The following TMPRSS13 variants were observed in gnomAD, a reference collection of about 807,000 sequenced individuals.
The protein encoded by TMPRSS13 is transmembrane protease serine 13.
A neutral mutation model predicts 68.4 loss-of-function variants in TMPRSS13; 50 were observed. That is an observed-to-expected ratio of 0.73 (90% CI 0.58 to 0.93). TMPRSS13 has a LOEUF of 0.93. TMPRSS13 is among the 40% of genes least tolerant of loss of function. The probability of loss-of-function intolerance (pLI) is 0.00; values close to 1 mark genes in which losing one functional copy is unlikely to be tolerated. For missense variants in TMPRSS13, 615 were observed against 729.2 expected (o/e 0.84, Z 1.80); for synonymous variants, 267 against 285.8 (o/e 0.93, Z 0.66).
intron 12 of TMPRSS13, among the ~76,000 whole-genome samples, chr11:117,902,516 C>T (rs563110361): frequency 6.6e-6 from 1 of 152,322 alleles, no homozygotes; most frequent in South Asian, 2.1e-4. Context: ...GGAGGGCTGG[C>T]AGAGCACCCC....
chr11:117,904,006 T>C lies in TMPRSS13; in HGVS notation c.1477A>G (p.Arg493Gly), dbSNP rs1406708905. ...CGAAGGTCCCCAGCACACATCATCCTTGGGGTAAGGTAACTGTCATAGACC... is the reference window on the plus strand; with the variant it reads ...CGAAGGTCCCCAGCACACATCATCCCTGGGGTAAGGTAACTGTCATAGACC... ...YLVYDSYLTPRMMCAGDLRGG... is the reference protein window; with the variant it reads ...YLVYDSYLTPGMMCAGDLRGG... Residue 493 changes from arginine to glycine, a missense_variant, in exon 11 of 13, where the codon AGG (arginine) becomes GGG (glycine). Arg to Gly is a moderately radical substitution (Grantham distance 125). Coordinates refer to ENST00000524993, the MANE Select transcript of TMPRSS13 (RefSeq NM_001077263.3). 3.7e-6 allele frequency: 6 copies of C among 1,613,524 alleles called. No individual in the cohort carries two copies. Among genetic ancestry groups the C allele is most frequent in the Non-Finnish European group, 3.4e-6 (4 of 1,179,756 alleles).
At chr11:117,926,668 G>A (rs2134934428) in intron 1 of TMPRSS13, among the ~76,000 whole-genome samples, 1 of 152,346 alleles carries the variant, frequency 6.6e-6, no homozygotes, top group African/African-American at 2.4e-5. Flanking sequence ...CAAATCTGGT[G>A]TGGCGCACCT....
At chr11:117,913,964 T>A (rs1479673547) in intron 4 of TMPRSS13, 58 bp from the exon 5 acceptor site, 4 of 1,588,238 alleles carry the variant, frequency 2.5e-6, no homozygotes, top group Non-Finnish European at 3.4e-6. Context: ...ATCAAGCTCT[T>A]GGGGGATGAG....
At position 117,915,630 on chromosome 11, in the gene TMPRSS13, TG is replaced by T. The variant is rs1312728817; in HGVS notation, c.557-1117del. ...AGTCAGGAGGCCTGGGCTCTAGTCCTGACCCCACCAGGTAGCTGCTTGGTGA... is the reference window on the plus strand; with the variant it reads ...AGTCAGGAGGCCTGGGCTCTAGTCCTACCCCACCAGGTAGCTGCTTGGTGA... On this transcript the variant is annotated intron_variant, in intron 3 of 12. Transcript: ENST00000524993. The surrounding 1 kb of genome is among the most constrained non-coding windows in gnomAD (Gnocchi z 4.9). Among the ~76,000 whole-genome samples the T allele has an allele frequency of 1.3e-5, 2 of 152,354 alleles. No homozygotes were observed. The highest frequency in any genetic ancestry group is 4.8e-5 in the African/African-American group (2 of 41,586).
intron 10 of TMPRSS13, among the ~76,000 whole-genome samples, chr11:117,904,860 ATTATATATATATATATATATATATATAT>A (rs568290910): frequency 0.22 from 20,455 of 92,494 alleles, 1,840 homozygotes; most frequent in African/African-American, 0.26. Context: ...CCTAGATAAG[ATTATATATATATATATATATATATATAT>A]ATATATATAT....
intron 3 of TMPRSS13, among the ~76,000 whole-genome samples, chr11:117,916,862 C>T (rs1328232897): frequency 6.6e-6 from 1 of 152,188 alleles, no homozygotes; most frequent in African/African-American, 2.4e-5. Context: ...TGAATTTTGT[C>T]CCATCTGAAG....
chr11:117,914,518 G>T lies in TMPRSS13; in HGVS notation c.557-4C>A. 1 of 1,613,830 alleles carries T rather than the reference G, an allele frequency of 6.2e-7. No homozygotes were observed. ...GTGTGGCCCTGCCAGAACTGGACTA[G>T]AGAAAAAGAAGCAGACAGCTGGGTC... On this transcript the variant is annotated splice_polypyrimidine_tract_variant and splice_region_variant and intron_variant, in intron 3 of 12. Coordinates refer to ENST00000524993, the MANE Select transcript of TMPRSS13 (RefSeq NM_001077263.3). This position sits in a 1 kb window ranked among gnomAD's most constrained non-coding sequence, Gnocchi z 4.2.
Position 117,913,662 on chromosome 11 carries a change from GC to G in TMPRSS13, c.809+114del, listed in dbSNP as rs571065684. On this transcript the variant is annotated intron_variant, in intron 5 of 12. Transcript: ENST00000524993. Reference sequence around the variant, plus strand: ...AGGGTGTCCAGAGCTAGTGAGATCAGCCCCGGTCCCCAAGGGTCTTTTTAAT... The same window carrying G: ...AGGGTGTCCAGAGCTAGTGAGATCAGCCCGGTCCCCAAGGGTCTTTTTAAT... 86 of 1,373,950 alleles carry G rather than the reference GC, an allele frequency of 6.3e-5. No homozygotes were observed. The African/African-American group carries it at 1.0e-3, about 16-fold the overall frequency. 85.1% of individuals were successfully genotyped at this position (1,373,950 alleles called of 1,614,324 possible).
At chr11:117,920,172 GC>G (rs1396080980) in intron 1 of TMPRSS13, among the ~76,000 whole-genome samples, 1 of 152,126 alleles carries the variant, frequency 6.6e-6, no homozygotes, top group East Asian at 1.9e-4. Context: ...GCAGCTGGGC[GC>G]CCCAGGCAAG....
In TMPRSS13 at chr11:117,909,811, G is replaced by T; in HGVS notation, c.1104C>A (p.Phe368Leu). Reference sequence around the variant, plus strand: ...CCTGCCTCTCAGGCACTTACACGAAGAAGCAGTGGGCGGCAGTGAGCACCC... The same window carrying T: ...CCTGCCTCTCAGGCACTTACACGAATAAGCAGTGGGCGGCAGTGAGCACCC... ...AQWVLTAAHC[F>L]FVTREKVLEG... The change falls in exon 8 of 13, where the codon TTC becomes TTA. Residue 368 changes from phenylalanine (F) to leucine (L), a missense_variant. Transcript: ENST00000524993. The T allele has an allele frequency of 6.2e-7, 1 of 1,609,928 alleles. No homozygotes were observed.
chr11:117,929,115 C>G (rs564394989), intron 1 of TMPRSS13, among the ~76,000 whole-genome samples, 172 bp downstream of exon 1: 1 of 152,112 alleles, frequency 6.6e-6, no homozygotes, highest in African/African-American at 2.4e-5. Flanking sequence ...TCTAGAACCA[C>G]GTTAAAAGGA....
At chr11:117,907,780 G>A (rs1329451997) in intron 9 of TMPRSS13, 25 of 984,212 alleles carry the variant, frequency 2.5e-5, no homozygotes, top group Non-Finnish European at 3.0e-5. Context: ...CGAAAACATC[G>A]TATAATTGGC....
At chr11:117,911,057 A>G (rs780536456) in intron 6 of TMPRSS13, among the ~76,000 whole-genome samples, 8 of 152,196 alleles carry the variant, frequency 5.3e-5, no homozygotes, top group Non-Finnish European at 7.3e-5. Context: ...TTGTCGCAGC[A>G]TCTTTTCACA....
At chr11:117,921,032 C>T (rs1006177724) in intron 1 of TMPRSS13, among the ~76,000 whole-genome samples, 2 of 152,134 alleles carry the variant, frequency 1.3e-5, no homozygotes, top group African/African-American at 2.4e-5. Flanking sequence ...TAACAGCCCA[C>T]GAGCACTTTA....
rs1160905536 is a variant in TMPRSS13 at position 117,900,696 on chromosome 11, A to T, written c.*1543T>A. On this transcript the variant is annotated 3_prime_UTR_variant, in exon 13 of 13. Transcript: ENST00000524993. ...ACCATCGCTGGCGGCTGCTGCAGAC[A>T]GGAATGTGGCCTCCTTCCCAGTCTT... is the stretch of plus-strand genomic sequence containing the variant. 1.3e-5 allele frequency: 2 copies of T among 152,244 alleles called. No homozygotes were observed. Among genetic ancestry groups the T allele is most frequent in the Non-Finnish European group, 2.9e-5 (2 of 68,050 alleles). 9.4% of individuals were successfully genotyped at this position (152,244 alleles called of 1,614,324 possible).
rs79780733 is a variant in TMPRSS13, at chr11:117,903,722, T to C, written c.1610A>G (p.Gln537Arg). Residue 537 changes from glutamine to arginine, a missense_variant, in exon 12 of 13, where the codon CAG (glutamine) becomes CGG (arginine). By Grantham distance (43) the Gln-to-Arg change is conservative (BLOSUM62 1). Coordinates refer to ENST00000524993, the MANE Select transcript of TMPRSS13 (RefSeq NM_001077263.3). Reference protein sequence around the residue: ...GVTSWGTGCGQRNKPGVYTKV... With the variant: ...GVTSWGTGCGRRNKPGVYTKV... ...GGTGTACACACCAGGTTTGTTTCTCTGGCCACAGCCTGTGCCCCAGCTGGT... is the reference window on the plus strand; with the variant it reads ...GGTGTACACACCAGGTTTGTTTCTCCGGCCACAGCCTGTGCCCCAGCTGGT... 2 of 1,613,742 alleles carry C rather than the reference T, an allele frequency of 1.2e-6. No homozygotes were observed. The highest frequency in any genetic ancestry group is 1.7e-6 in the Non-Finnish European group (2 of 1,179,850).
chr11:117,907,052 T>C (rs2057470718), intron 9 of TMPRSS13, among the ~76,000 whole-genome samples: 1 of 152,090 alleles, frequency 6.6e-6, no homozygotes, highest in Non-Finnish European at 1.5e-5. Context: ...GCATACGCAA[T>C]GTGAGAATAG....
chr11:117,923,846 A>T (rs1325842499), intron 1 of TMPRSS13, among the ~76,000 whole-genome samples: 1 of 150,994 alleles, frequency 6.6e-6, no homozygotes, highest in East Asian at 1.9e-4. Context: ...ATTAAAAAAA[A>T]AAAAAAAAAA....
At chr11:117,921,384 C>G (rs985907844) in intron 1 of TMPRSS13, among the ~76,000 whole-genome samples, 3 of 152,224 alleles carry the variant, frequency 2.0e-5, no homozygotes, top group African/African-American at 7.2e-5. Flanking sequence ...AGAGACGAAA[C>G]AGCCCACCTC....
Sources: allele counts gnomAD v4.1 joint callset (sites outside exome capture counted in the v4.1 genomes callset), GRCh38; gene constraint gnomAD v4.1.1; non-coding constraint Gnocchi (gnomAD v3.1); transcripts MANE v1.5; gene names NCBI Gene and HGNC (gene_info 2026-07-23, HGNC 2026-07-21).